The following SGK3 variants were observed in gnomAD, a reference collection of about 807,000 sequenced individuals.
SGK3 encodes serine/threonine-protein kinase Sgk3.
A neutral mutation model predicts 68.5 loss-of-function variants in SGK3; 47 were observed. That is an observed-to-expected ratio of 0.69 (90% CI 0.54 to 0.87). The LOEUF (loss-of-function observed/expected upper bound fraction) is 0.87. Ranked by LOEUF, SGK3 falls within the 40% of genes least tolerant of loss-of-function variation. SGK3 has a pLI of 0.00. For missense variants in SGK3, 479 were observed against 575.5 expected, an observed-to-expected ratio of 0.83 and a Z score of 1.72; for synonymous variants, 181 against 189.1, an observed-to-expected ratio of 0.96 and a Z score of 0.35.
At chr8:66,811,971 C>A (rs1463376310) in intron 4 of SGK3, among the ~76,000 whole-genome samples, 1 of 151,974 alleles carries the variant, frequency 6.6e-6, no homozygotes, top group Non-Finnish European at 1.5e-5. Context: ...AATTCTTAGA[C>A]GAACAAGAAA....
intron 4 of SGK3, among the ~76,000 whole-genome samples, chr8:66,805,160 GTAT>G (rs1808102030): frequency 6.6e-6 from 1 of 152,062 alleles, no homozygotes; most frequent in Non-Finnish European, 1.5e-5. Flanking sequence ...ATTCACTTTT[GTAT>G]TCAGAAACAT....
At chr8:66,835,425 A>C (rs1187341576) in intron 8 of SGK3, among the ~76,000 whole-genome samples, 1 of 152,166 alleles carries the variant, frequency 6.6e-6, no homozygotes, top group African/African-American at 2.4e-5. Flanking sequence ...GTAGCCATGA[A>C]GTTTATAACA....
At chr8:66,788,026 T>G (rs1255635754) in intron 1 of SGK3, among the ~76,000 whole-genome samples, 3 of 152,198 alleles carry the variant, frequency 2.0e-5, no homozygotes, top group African/African-American at 7.2e-5. Flanking sequence ...TTTTCTCACT[T>G]CTGGCCGGTG....
chr8:66,753,407 T>C (rs1805880685), intron 1 of SGK3, among the ~76,000 whole-genome samples: 1 of 152,184 alleles, frequency 6.6e-6, no homozygotes, highest in Non-Finnish European at 1.5e-5. Flanking sequence ...CCAAATCACA[T>C]AGGTAGTCAA....
chr8:66,784,148 G>T (rs1006528075), intron 1 of SGK3, among the ~76,000 whole-genome samples: 4 of 152,158 alleles, frequency 2.6e-5, no homozygotes, highest in Non-Finnish European at 5.9e-5. Context: ...GGATCCTTCC[G>T]CCTTAGCCTC....
intron 16 of SGK3, among the ~76,000 whole-genome samples, chr8:66,853,222 T>C (rs548730012): frequency 6.6e-6 from 1 of 152,324 alleles, no homozygotes; most frequent in African/African-American, 2.4e-5. Context: ...GAACATGGGC[T>C]CTGTCTTCAA....
intron 10 of SGK3, among the ~76,000 whole-genome samples, chr8:66,836,782 T>C (rs895441173): frequency 6.7e-6 from 1 of 148,520 alleles, no homozygotes; most frequent in Admixed American, 6.7e-5. Context: ...TTTTTTTTTT[T>C]TTTTTTTTTT....
Position 66,754,200 on chromosome 8 carries a change from A to G in SGK3, c.-121-39416A>G, listed in dbSNP as rs1045617085. On this transcript the variant is annotated intron_variant, in intron 1 of 16. Coordinates refer to ENST00000521198, the MANE Select transcript of SGK3 (RefSeq NM_001033578.3). Reference sequence around the variant, plus strand: ...ATCAAAGGCACACAAGGGTCTTGGCAGCATGGGGTAGAGTTTGGGATATTC... The same window carrying G: ...ATCAAAGGCACACAAGGGTCTTGGCGGCATGGGGTAGAGTTTGGGATATTC... Among the ~76,000 whole-genome samples the G allele has an allele frequency of 2.0e-5, 3 of 152,232 alleles. No homozygotes were observed. In the South Asian group the frequency reaches 6.2e-4, roughly 32 times the overall value.
At position 66,738,921 on chromosome 8, in the gene SGK3, C is replaced by T. The variant is rs534272490; in HGVS notation, c.-122+26088C>T. 9.2e-4 allele frequency among the ~76,000 whole-genome samples: 140 copies of T among 152,200 alleles called. 4 individuals carry two copies. In the South Asian group the frequency reaches 0.027, roughly 30 times the overall value. ...CTGGGATTACAGGCGTGAGTCACTGCGCCCAGCCTAGAGTCACTTTCTTTA... is the reference window on the plus strand; with the variant it reads ...CTGGGATTACAGGCGTGAGTCACTGTGCCCAGCCTAGAGTCACTTTCTTTA... On this transcript the variant is annotated intron_variant, in intron 1 of 16. Transcript: ENST00000521198.
In SGK3 at chr8:66,744,531, T is replaced by TGTTGTTGTTG. The variant is rs757878685; in HGVS notation, c.-122+31698_-122+31699insGTTGTTGTTG. On this transcript the variant is annotated intron_variant, in intron 1 of 16. Transcript: ENST00000521198. ...TATATATATATATATTTTTTTTTTT[T>TGTTGTTGTTG]TTTTTTTTTTTTTTAGATGGAGTCT... 3.0e-4 allele frequency among the ~76,000 whole-genome samples: 32 copies of TGTTGTTGTTG among 107,676 alleles called. 1 individual carries two copies. Among genetic ancestry groups the TGTTGTTGTTG allele is most frequent in the African/African-American group, 1.2e-3 (32 of 26,234 alleles). The allele number at this position is 107,676 out of a possible 152,430, so 70.6% of individuals were successfully genotyped here.
At position 66,848,188 on chromosome 8, in the gene SGK3, T is replaced by C. The variant is rs76868985; in HGVS notation, c.1230+840T>C. 9.1e-4 allele frequency among the ~76,000 whole-genome samples: 138 copies of C among 152,274 alleles called. 3 individuals carry two copies. In the East Asian group the frequency reaches 0.014, roughly 16 times the overall value. On this transcript the variant is annotated intron_variant, in intron 15 of 16. Transcript: ENST00000521198. ...GTTGTTCCAGACAGTCTTGCTAATATTTCACACCTCCTTGTCCCTTGGTCC... is the reference window on the plus strand; with the variant it reads ...GTTGTTCCAGACAGTCTTGCTAATACTTCACACCTCCTTGTCCCTTGGTCC...
chr8:66,837,498 G>A (rs984070518), intron 10 of SGK3, among the ~76,000 whole-genome samples: 2 of 152,134 alleles, frequency 1.3e-5, no homozygotes, highest in Non-Finnish European at 2.9e-5. Context: ...AGTCCCTTAA[G>A]GCCAGGTGTG....
At chr8:66,793,302 C>T (rs1807540398) in intron 1 of SGK3, among the ~76,000 whole-genome samples, 1 of 152,186 alleles carries the variant, frequency 6.6e-6, no homozygotes, top group Non-Finnish European at 1.5e-5. Context: ...CATCCTGATA[C>T]AAGAAGTCTG....
intron 1 of SGK3, among the ~76,000 whole-genome samples, chr8:66,730,269 T>G (rs537348241): frequency 5.3e-5 from 8 of 152,314 alleles, no homozygotes; most frequent in African/African-American, 1.9e-4. Flanking sequence ...TCTACAGAAA[T>G]GTCTATTCAG....
At chr8:66,777,044 C>T (rs1806741819) in intron 1 of SGK3, among the ~76,000 whole-genome samples, 1 of 152,242 alleles carries the variant, frequency 6.6e-6, no homozygotes, top group African/African-American at 2.4e-5. Context: ...TGAATGCTCA[C>T]CCAAGGAAGT....
At position 66,764,012 on chromosome 8, in the gene SGK3, C is replaced by T. The variant is rs1246618365; in HGVS notation, c.-121-29604C>T. 2.6e-5 allele frequency among the ~76,000 whole-genome samples: 4 copies of T among 152,180 alleles called. No homozygotes were observed. In the East Asian group the frequency reaches 7.7e-4, roughly 29 times the overall value. On this transcript the variant is annotated intron_variant, in intron 1 of 16. Coordinates refer to ENST00000521198, the MANE Select transcript of SGK3 (RefSeq NM_001033578.3). Reference sequence around the variant, plus strand: ...TCAGCCTCCCGAGTAGCTGGAACTACAGGCATGTGCCACCACACCCGGCTA... The same window carrying T: ...TCAGCCTCCCGAGTAGCTGGAACTATAGGCATGTGCCACCACACCCGGCTA...
At chr8:66,840,402 G>T (rs759787629) in intron 12 of SGK3, among the ~76,000 whole-genome samples, 155 bp downstream of exon 12, 7 of 152,146 alleles carry the variant, frequency 4.6e-5, no homozygotes, top group Non-Finnish European at 1.0e-4. Context: ...ACAGATTAGT[G>T]GTTGACAGGG....
intron 1 of SGK3, among the ~76,000 whole-genome samples, chr8:66,779,973 T>G (rs749949097): frequency 6.6e-6 from 1 of 152,108 alleles, no homozygotes; most frequent in Non-Finnish European, 1.5e-5. Flanking sequence ...TCCTGAGTTC[T>G]CCTTGATTTT....
intron 1 of SGK3, among the ~76,000 whole-genome samples, chr8:66,769,596 T>A (rs1361078273): frequency 6.6e-6 from 1 of 152,250 alleles, no homozygotes; most frequent in Non-Finnish European, 1.5e-5. Flanking sequence ...TTTTCTTCTG[T>A]AATGTCTAAT....
Sources: allele counts gnomAD v4.1 joint callset (sites outside exome capture counted in the v4.1 genomes callset), GRCh38; gene constraint gnomAD v4.1.1; transcripts MANE v1.5; gene names NCBI Gene and HGNC (gene_info 2026-07-23, HGNC 2026-07-21).